The following PTH2R variants were observed in gnomAD, a reference collection of about 807,000 sequenced individuals.
PTH2R encodes the protein parathyroid hormone 2 receptor, also known as PTH2 receptor.
Under a neutral mutation model 60.3 loss-of-function variants are expected in PTH2R, and 59 were observed. The ratio of observed to expected loss-of-function variants is 0.98; its 90% CI spans 0.79 to 1.22. The LOEUF (loss-of-function observed/expected upper bound fraction) is 1.22, where lower values mean the gene tolerates loss of function less well. Ranked by LOEUF, PTH2R falls within the 50% of genes most tolerant of loss-of-function variation. PTH2R has a pLI of 0.00. For synonymous variants in PTH2R, 256 were observed against 243.8 expected (o/e 1.05, Z -0.47); for missense variants, 749 against 682.6 (o/e 1.10, Z -1.08).
chr2:208,431,342 A>G (rs1316335997), intron 2 of PTH2R, among the ~76,000 whole-genome samples: 4 of 152,154 alleles, frequency 2.6e-5, no homozygotes, highest in South Asian at 2.1e-4. Context: ...TATGCTGCAT[A>G]TGATAATTGT....
chr2:208,407,552 T>C (rs1409438911), intron 1 of PTH2R, among the ~76,000 whole-genome samples: 1 of 152,218 alleles, frequency 6.6e-6, no homozygotes, highest in Non-Finnish European at 1.5e-5. Context: ...GACCACTATC[T>C]GAAAGAATAA....
intron 9 of PTH2R, among the ~76,000 whole-genome samples, chr2:208,465,393 T>C (rs1702725222): frequency 1.0e-5 from 1 of 99,274 alleles, no homozygotes; most frequent in South Asian, 4.1e-4. Context: ...TAAGTCTTTT[T>C]TTTTTTTTTT....
chr2:208,413,382 A>G (rs1048173121), intron 1 of PTH2R, among the ~76,000 whole-genome samples: 1 of 152,218 alleles, frequency 6.6e-6, no homozygotes, highest in Non-Finnish European at 1.5e-5. Context: ...CCAAGAGCCA[A>G]CCTTACCAGA....
chr2:208,386,721 A>G (rs67757182), intron 1 of PTH2R, among the ~76,000 whole-genome samples: 11,903 of 152,218 alleles, frequency 0.078, 514 homozygotes, highest in African/African-American at 0.085. Context: ...CAAATCACAG[A>G]TTTCTCGCTG....
chr2:208,465,881 AT>A (rs202198294), intron 9 of PTH2R, among the ~76,000 whole-genome samples: 12 of 149,592 alleles, frequency 8.0e-5, no homozygotes, highest in Middle Eastern at 3.5e-3. Context: ...CTGTCAAGAA[AT>A]TTTTTTTTTT....
intron 9 of PTH2R, among the ~76,000 whole-genome samples, chr2:208,471,762 C>T (rs1702886572): frequency 6.6e-6 from 1 of 152,136 alleles, no homozygotes; most frequent in Non-Finnish European, 1.5e-5. Flanking sequence ...CCTCCAGACC[C>T]CAGAATGGTA....
chr2:208,361,772 T>TA (rs1553539453), intron 1 of PTH2R, among the ~76,000 whole-genome samples: 5 of 151,736 alleles, frequency 3.3e-5, no homozygotes, highest in African/African-American at 1.2e-4. Flanking sequence ...TTTTTTTTTT[T>TA]TAAAAAAAAG....
intron 1 of PTH2R, among the ~76,000 whole-genome samples, chr2:208,378,993 G>A (rs1700861486): frequency 6.6e-6 from 1 of 150,936 alleles, no homozygotes. Flanking sequence ...AGTACACAGT[G>A]TTAACTGAAG....
intron 2 of PTH2R, among the ~76,000 whole-genome samples, chr2:208,429,659 T>C (rs1454867865): frequency 6.6e-6 from 1 of 152,136 alleles, no homozygotes. Context: ...ACCATTAAAA[T>C]TTTTTTCATT....
In PTH2R at chr2:208,374,797, C is replaced by T. The variant is rs187538553; in HGVS notation, c.-259+14560C>T. Among the ~76,000 whole-genome samples the T allele has an allele frequency of 1.1e-3, 164 of 152,234 alleles. 1 individual carries two copies. The highest frequency in any genetic ancestry group is 2.5e-3 in the African/African-American group (104 of 41,476). On this transcript the variant is annotated intron_variant, in intron 1 of 12. Coordinates refer to the PTH2R transcript ENST00000617735. ...CTGGGATTACAAGCGTGAGCCACCA[C>T]GCCCGGCCCAAATGACATTTATTTT...
chr2:208,402,780 T>C (rs1399919924), upstream of PTH2R, among the ~76,000 whole-genome samples: 3 of 152,328 alleles, frequency 2.0e-5, no homozygotes, highest in East Asian at 5.8e-4. Flanking sequence ...AAAATGTAAT[T>C]CTATTGGGAA....
intron 9 of PTH2R, among the ~76,000 whole-genome samples, chr2:208,467,497 A>G (rs904529439): frequency 2.6e-5 from 4 of 152,204 alleles, no homozygotes; most frequent in Admixed American, 6.5e-5. Flanking sequence ...ACAACTCATT[A>G]TATACACGTT....
intron 10 of PTH2R, among the ~76,000 whole-genome samples, chr2:208,482,187 G>A (rs371853349): frequency 2.5e-4 from 38 of 152,248 alleles, no homozygotes; most frequent in Admixed American, 9.8e-4. Flanking sequence ...ATAAGTCCTC[G>A]TTGATTTAGT....
At chr2:208,465,388 CTTTTTTTTTTTTTTT>C (rs60871321) in intron 9 of PTH2R, among the ~76,000 whole-genome samples, 21 of 39,930 alleles carry the variant, frequency 5.3e-4, no homozygotes, top group Admixed American at 9.1e-4. Flanking sequence ...ATTTGTAAGT[CTTTTTTTTTTTTTTT>C]TTTTTTTTTT....
chr2:208,431,331 A>G (rs541532647), intron 2 of PTH2R, among the ~76,000 whole-genome samples: 8 of 152,184 alleles, frequency 5.3e-5, no homozygotes, highest in Admixed American at 1.3e-4. Flanking sequence ...GACATGCTTT[A>G]TATGCTGCAT....
At chr2:208,420,702 T>C (rs1414536312) in intron 1 of PTH2R, among the ~76,000 whole-genome samples, 1 of 152,228 alleles carries the variant, frequency 6.6e-6, no homozygotes, top group Non-Finnish European at 1.5e-5. Flanking sequence ...ACGTAGTTTC[T>C]TTCAATGGTA....
At chr2:208,364,438 T>A (rs1242992592) in intron 1 of PTH2R, among the ~76,000 whole-genome samples, 1 of 152,178 alleles carries the variant, frequency 6.6e-6, no homozygotes, top group Non-Finnish European at 1.5e-5. Flanking sequence ...CTGCATTGTT[T>A]TGCATGTAAA....
intron 4 of PTH2R, among the ~76,000 whole-genome samples, chr2:208,439,902 G>T (rs968046371): frequency 6.6e-6 from 1 of 152,078 alleles, no homozygotes; most frequent in South Asian, 2.1e-4. Flanking sequence ...TAGAATGGGG[G>T]AACTGAATGG....
At chr2:208,425,127 A>G (rs1701831775) in intron 1 of PTH2R, among the ~76,000 whole-genome samples, 1 of 152,210 alleles carries the variant, frequency 6.6e-6, no homozygotes. Context: ...AGAACAAAAT[A>G]ATTACATAAG....
Sources: gnomAD v4.1 joint callset for allele counts (sites outside exome capture counted in the v4.1 genomes callset) on GRCh38, gnomAD v4.1.1 for gene constraint, MANE v1.5 for transcripts, NCBI Gene and HGNC (gene_info 2026-07-23, HGNC 2026-07-21) for gene names.